CDH18: variants seen among roughly 807,000 people sequenced by gnomAD.
The protein encoded by CDH18 is cadherin-18.
CDH18 carries 31 observed loss-of-function variants against 67.9 expected under a neutral mutation model. The observed-to-expected ratio is 0.46, with a 90% CI of 0.34 to 0.62. CDH18 has a LOEUF of 0.62. Ranked by LOEUF, CDH18 falls within the 20% of genes least tolerant of loss-of-function variation. The pLI, the probability that CDH18 is intolerant of heterozygous loss-of-function variation, is 0.01. For missense variants in CDH18, 890 were observed against 975.5 expected, an observed-to-expected ratio of 0.91 and a Z score of 1.17; for synonymous variants, 362 against 347.2, an observed-to-expected ratio of 1.04 and a Z score of -0.48.
At chr5:19,494,376 A>G (rs1741953605) in intron 11 of CDH18, among the ~76,000 whole-genome samples, 3 of 152,206 alleles carry the variant, frequency 2.0e-5, no homozygotes, top group African/African-American at 7.2e-5. Flanking sequence ...GAGAAAACAG[A>G]GATCCCGTAA....
At position 20,339,608 on chromosome 5, in the gene CDH18, C is replaced by T. The variant is rs1451856285; in HGVS notation, c.-579-84103G>A. On this transcript the variant is annotated intron_variant, in intron 1 of 14. Transcript: ENST00000507958. ...CAACTTATCCAGGACTTCCTAGAAC[C>T]CCGTCAAACTTACCCCATTCTAGGA... 1.3e-5 allele frequency among the ~76,000 whole-genome samples: 2 copies of T among 152,022 alleles called. 1 individual carries two copies. Among genetic ancestry groups the T allele is most frequent in the Non-Finnish European group, 2.9e-5 (2 of 67,962 alleles).
At chr5:19,644,729 A>C (rs540053279) in intron 5 of CDH18, among the ~76,000 whole-genome samples, 11 of 152,314 alleles carry the variant, frequency 7.2e-5, no homozygotes, top group African/African-American at 2.4e-4. Context: ...CCCGTGAAGC[A>C]TCTGCACCTC....
At chr5:19,681,481 T>C (rs911486788) in intron 5 of CDH18, among the ~76,000 whole-genome samples, 1 of 152,068 alleles carries the variant, frequency 6.6e-6, no homozygotes, top group Non-Finnish European at 1.5e-5. Flanking sequence ...AACTAAAAAC[T>C]ACTTTCTTAT....
intron 2 of CDH18, among the ~76,000 whole-genome samples, chr5:20,047,211 C>T (rs2150483286): frequency 6.6e-6 from 1 of 151,264 alleles, no homozygotes; most frequent in East Asian, 1.9e-4. Flanking sequence ...ACTACTGAAA[C>T]AAAAAAATGG....
chr5:19,991,560 A>G (rs1169369194), upstream of CDH18, among the ~76,000 whole-genome samples: 1 of 152,176 alleles, frequency 6.6e-6, no homozygotes, highest in Non-Finnish European at 1.5e-5. Flanking sequence ...TATTTATTTT[A>G]TGTGTTTGGT....
chr5:20,183,312 C>A (rs1458416146), intron 2 of CDH18, among the ~76,000 whole-genome samples: 1 of 151,888 alleles, frequency 6.6e-6, no homozygotes, highest in Non-Finnish European at 1.5e-5. Context: ...AGTTTAGTTC[C>A]AAGATAATTA....
chr5:19,778,888 T>C (rs1028595262), intron 3 of CDH18, among the ~76,000 whole-genome samples: 3 of 152,186 alleles, frequency 2.0e-5, no homozygotes, highest in Non-Finnish European at 4.4e-5. Flanking sequence ...TTCCTTTTTC[T>C]ACATGTATTA....
intron 11 of CDH18, among the ~76,000 whole-genome samples, chr5:19,502,143 C>T (rs892163802): frequency 2.0e-5 from 3 of 152,108 alleles, no homozygotes; most frequent in African/African-American, 4.8e-5. Flanking sequence ...AATCTTCTCC[C>T]GGAAGTGAAG....
intron 2 of CDH18, among the ~76,000 whole-genome samples, chr5:19,938,857 T>A (rs1440264620): frequency 6.6e-6 from 1 of 151,480 alleles, no homozygotes. Flanking sequence ...TTTGGAGCAT[T>A]TCTTTGTTTA....
At chr5:20,396,462 A>G (rs1476957322) in intron 1 of CDH18, among the ~76,000 whole-genome samples, 1 of 151,888 alleles carries the variant, frequency 6.6e-6, no homozygotes, top group African/African-American at 2.4e-5. Flanking sequence ...AAAGGTCTTA[A>G]TGATAACTGC....
chr5:20,452,179 A>G lies in CDH18; in HGVS notation c.-580+123283T>C, dbSNP rs575585113. The stretch of plus-strand genomic sequence containing the variant: ...GAACTTAAAATATGCAAAAATAAGT[A>G]TAATCAAAATATAAATCTGTTTCCA... On this transcript the variant is annotated intron_variant, in intron 1 of 14. Coordinates refer to the CDH18 transcript ENST00000507958. Among the ~76,000 whole-genome samples, 38 of 152,328 alleles carry G rather than the reference A, an allele frequency of 2.5e-4. No individual in the cohort carries two copies. In the South Asian group the frequency reaches 7.9e-3, roughly 32 times the overall value.
At chr5:20,058,601 C>A (rs1038034516) in intron 2 of CDH18, among the ~76,000 whole-genome samples, 1 of 152,072 alleles carries the variant, frequency 6.6e-6, no homozygotes, top group South Asian at 2.1e-4. Context: ...ACTCAAGTTT[C>A]CGAGCCTAGC....
chr5:19,825,094 C>T (rs1194079411), intron 3 of CDH18, among the ~76,000 whole-genome samples: 2 of 152,040 alleles, frequency 1.3e-5, no homozygotes, highest in Non-Finnish European at 2.9e-5. Flanking sequence ...CTCACCCGCT[C>T]CTGCCACTGG....
At chr5:20,290,453 T>C (rs1747020469) in intron 1 of CDH18, among the ~76,000 whole-genome samples, 1 of 152,174 alleles carries the variant, frequency 6.6e-6, no homozygotes, top group African/African-American at 2.4e-5. Context: ...ATGCCTGATG[T>C]AGTCTTGGAC....
chr5:19,788,912 A>C (rs1334256667), intron 3 of CDH18, among the ~76,000 whole-genome samples: 2 of 152,162 alleles, frequency 1.3e-5, no homozygotes, highest in Non-Finnish European at 2.9e-5. Context: ...TGGTTTTAGC[A>C]GTTGCTGCCT....
chr5:20,555,284 C>T (rs991453567), intron 1 of CDH18, among the ~76,000 whole-genome samples: 1 of 152,008 alleles, frequency 6.6e-6, no homozygotes, highest in Admixed American at 6.6e-5. Context: ...GTAAATTAAC[C>T]TTGAACTTCC....
chr5:20,233,159 A>C (rs7714245), intron 2 of CDH18, among the ~76,000 whole-genome samples: 1 of 150,884 alleles, frequency 6.6e-6, no homozygotes, highest in Admixed American at 6.6e-5. Flanking sequence ...TGTGTATCTG[A>C]ATATATATAT....
chr5:20,210,808 G>A (rs1740294469), intron 2 of CDH18, among the ~76,000 whole-genome samples: 2 of 151,800 alleles, frequency 1.3e-5, no homozygotes, highest in Non-Finnish European at 2.9e-5. Context: ...TTACTACTAA[G>A]TTATCTGTAT....
chr5:19,646,527 AT>A (rs1754765084), intron 5 of CDH18, among the ~76,000 whole-genome samples: 1 of 152,012 alleles, frequency 6.6e-6, no homozygotes. Context: ...TTTAGCAGAG[AT>A]GGGGTTTCAC....
Sources: gnomAD v4.1 joint callset for allele counts (sites outside exome capture counted in the v4.1 genomes callset) on GRCh38, gnomAD v4.1.1 for gene constraint, MANE v1.5 for transcripts, NCBI Gene and HGNC (gene_info 2026-07-23, HGNC 2026-07-21) for gene names.